SLC45A4: variants seen among roughly 807,000 people sequenced by gnomAD.
SLC45A4 encodes the protein solute carrier family 45 member 4.
SLC45A4 carries 32 observed loss-of-function variants against 63.7 expected under a neutral mutation model. The observed-to-expected ratio is 0.50, with a 90% CI of 0.38 to 0.67. The LOEUF (loss-of-function observed/expected upper bound fraction) is 0.67, where lower values mean the gene tolerates loss of function less well. Ranked by LOEUF, SLC45A4 falls within the 30% of genes least tolerant of loss-of-function variation. The pLI, the probability that SLC45A4 is intolerant of heterozygous loss-of-function variation, is 0.00. For synonymous variants in SLC45A4, 535 were observed against 510.0 expected, an observed-to-expected ratio of 1.05 and a Z score of -0.66; for missense variants, 1,027 against 1,157.7, an observed-to-expected ratio of 0.89 and a Z score of 1.64.
Position 141,218,203 on chromosome 8 carries a change from G to A in SLC45A4, c.1437C>T (p.Ser479=), listed in dbSNP as rs1216915801. The change falls in exon 5 of 9, where the codon TCC becomes TCT. Residue 479 remains serine (S), a synonymous_variant. Transcript: ENST00000517878. ...CCTCCTCACTCTCGGTGTCCCCGCT[G>A]GAGGTGGTGGCCCCGCTCTGGTTCC... ...RHRNQSGATT[S]SGDTESEEGE... 2 of 1,603,218 alleles carry A rather than the reference G, an allele frequency of 1.2e-6. No individual in the cohort carries two copies. Among genetic ancestry groups the A allele is most frequent in the Admixed American group, 1.7e-5 (1 of 60,000 alleles).
chr8:141,278,633 C>T lies in SLC45A4; in HGVS notation c.-400-24004G>A, dbSNP rs1269930713. On this transcript the variant is annotated intron_variant, in intron 1 of 8. Coordinates refer to ENST00000517878, the MANE Select transcript of SLC45A4 (RefSeq NM_001286646.2). The surrounding 1 kb of genome is among the most constrained non-coding windows in gnomAD (Gnocchi z 4.1). ...TAGCCACCAGCAGCTGAGTGCTGAC[C>T]ACAGCCCCCACGGGCAGCACAGGCA... 6.6e-6 allele frequency among the ~76,000 whole-genome samples: 1 copy of T among 152,252 alleles called. No homozygotes were observed. The highest frequency in any genetic ancestry group is 6.5e-5 in the Admixed American group (1 of 15,292).
At chr8:141,212,631 T>C in intron 7 of SLC45A4, 75 bp from the exon 8 acceptor site, 2 of 1,469,172 alleles carry the variant, frequency 1.4e-6, no homozygotes, top group Non-Finnish European at 9.0e-7. Flanking sequence ...ACTGTGAGTA[T>C]TAACCCACAA....
chr8:141,223,912 C>CT (rs1434841202), intron 2 of SLC45A4, among the ~76,000 whole-genome samples: 1 of 152,196 alleles, frequency 6.6e-6, no homozygotes, highest in African/African-American at 2.4e-5. Context: ...AACCAAACCA[C>CT]TTTACCATTT....
intron 1 of SLC45A4, among the ~76,000 whole-genome samples, chr8:141,280,600 TC>T: frequency 6.6e-6 from 1 of 152,238 alleles, no homozygotes; most frequent in East Asian, 1.9e-4. Flanking sequence ...CTATCAGCAA[TC>T]CCAGGTTGAG....
In SLC45A4 at chr8:141,278,360, C is replaced by T. The variant is rs1829807674; in HGVS notation, c.-400-23731G>A. On this transcript the variant is annotated intron_variant, in intron 1 of 8. Coordinates refer to ENST00000517878, the MANE Select transcript of SLC45A4 (RefSeq NM_001286646.2). The surrounding 1 kb of genome is among the most constrained non-coding windows in gnomAD (Gnocchi z 4.1). ...GGACATTGGCGAGACTGGGTGAGCA[C>T]AACCCATAAGGACACTAGCGGGACA... 1 of 152,454 alleles carries T rather than the reference C, an allele frequency of 6.6e-6. No individual in the cohort carries two copies. The highest frequency in any genetic ancestry group is 2.4e-5 in the African/African-American group (1 of 41,454). The allele number at this position is 152,454 out of a possible 1,614,324, so 9.4% of individuals were successfully genotyped here.
rs374347918 is a variant in SLC45A4 at position 141,212,500 on chromosome 8, G to A, written c.1998C>T (p.Ile666=). ...GCGAGATGTACACTTGGCAGGACAG[G>A]ATGGCACAATCTATGCCAAACCCTC... ...SKRGFGIDCA[I]LSCQVYISQI... is the part of the protein sequence containing the mutation. Residue 666 remains isoleucine (I), a synonymous_variant, in exon 8 of 9, where the codon ATC becomes ATT. Transcript: ENST00000517878. 6 of 1,613,852 alleles carry A rather than the reference G, an allele frequency of 3.7e-6. No homozygotes were observed. The South Asian group carries it at 6.6e-5, about 18-fold the overall frequency.
chr8:141,304,825 G>A (rs1239152614), intron 1 of SLC45A4, among the ~76,000 whole-genome samples: 1 of 152,178 alleles, frequency 6.6e-6, no homozygotes, highest in East Asian at 1.9e-4. Flanking sequence ...CTCTATCAGG[G>A]ATATGAAACA....
chr8:141,213,722 G>A (rs1277851938), intron 7 of SLC45A4, among the ~76,000 whole-genome samples: 1 of 152,192 alleles, frequency 6.6e-6, no homozygotes, highest in Non-Finnish European at 1.5e-5. Context: ...CACGTGGCAG[G>A]GAGGACTAAG....
In SLC45A4 at chr8:141,293,645, G is replaced by T. The variant is rs114690438; in HGVS notation, c.-401+14451C>A. ...AAAACTTCTCTGCAATCAAAAAATGGAAACAGACCGGGAGCAGTGGCTCAT... is the reference window on the plus strand; with the variant it reads ...AAAACTTCTCTGCAATCAAAAAATGTAAACAGACCGGGAGCAGTGGCTCAT... On this transcript the variant is annotated intron_variant, in intron 1 of 8. Transcript: ENST00000517878. Among the ~76,000 whole-genome samples, 696 of 152,132 alleles carry T rather than the reference G, an allele frequency of 4.6e-3. 6 individuals are homozygous for T. Among genetic ancestry groups the T allele is most frequent in the African/African-American group, 0.016 (674 of 41,484 alleles).
At chr8:141,282,119 G>A (rs1434113380) in intron 1 of SLC45A4, among the ~76,000 whole-genome samples, 14 of 152,192 alleles carry the variant, frequency 9.2e-5, no homozygotes, top group South Asian at 2.1e-4. Context: ...TAGGACGATC[G>A]TCAGAAATAC....
rs150421753 is a variant in SLC45A4 at position 141,227,654 on chromosome 8, C to T, written c.242-5889G>A. On this transcript the variant is annotated intron_variant, in intron 2 of 8. Transcript: ENST00000517878. This position sits in a 1 kb window ranked among gnomAD's most constrained non-coding sequence, Gnocchi z 4.4. Reference sequence around the variant, plus strand: ...CCACCTGCTTGCAAGAGGGGAAGGGCCACTGGCACTGGGCCCCCGGCACTG... The same window carrying T: ...CCACCTGCTTGCAAGAGGGGAAGGGTCACTGGCACTGGGCCCCCGGCACTG... Among the ~76,000 whole-genome samples the T allele has an allele frequency of 1.4e-4, 21 of 152,124 alleles. No individual in the cohort carries two copies. The highest frequency in any genetic ancestry group is 1.4e-4 in the African/African-American group (6 of 41,428).
intron 4 of SLC45A4, among the ~76,000 whole-genome samples, 184 bp downstream of exon 4, chr8:141,219,466 A>G (rs1173180564): frequency 6.6e-6 from 1 of 150,426 alleles, no homozygotes; most frequent in Non-Finnish European, 1.5e-5. Flanking sequence ...CCTTGGCCCC[A>G]CTGTGCTTGG....
chr8:141,250,286 C>T (rs1305206414), intron 2 of SLC45A4, among the ~76,000 whole-genome samples: 1 of 152,186 alleles, frequency 6.6e-6, no homozygotes, highest in African/African-American at 2.4e-5. Flanking sequence ...CTCATACACA[C>T]TGGTTTTCAC....
chr8:141,209,825 G>A lies in SLC45A4; in HGVS notation c.*1747C>T, dbSNP rs935684320. On this transcript the variant is annotated 3_prime_UTR_variant, in exon 9 of 9. Transcript: ENST00000517878. ...ATCTCAAGGGTTAACACACTATTCA[G>A]AGGGGGGTTGCGAAGCCCCTCTTCC... is the stretch of plus-strand genomic sequence containing the variant. 6 of 152,250 alleles carry A rather than the reference G, an allele frequency of 3.9e-5. No individual in the cohort carries two copies. Among genetic ancestry groups the A allele is most frequent in the Admixed American group, 2.6e-4 (4 of 15,286 alleles). The allele number at this position is 152,250 out of a possible 1,614,324, so 9.4% of individuals were successfully genotyped here. A position where few individuals can be genotyped will look rare whatever the true frequency, so the allele number is the denominator to read the frequency against.
intron 2 of SLC45A4, among the ~76,000 whole-genome samples, chr8:141,235,303 A>G (rs1027504588): frequency 2.0e-4 from 31 of 152,214 alleles, no homozygotes; most frequent in African/African-American, 7.0e-4. Flanking sequence ...CCCCATTTAT[A>G]AATCATGAGC....
intron 2 of SLC45A4, among the ~76,000 whole-genome samples, chr8:141,231,218 A>G (rs1827331226): frequency 6.6e-6 from 1 of 152,192 alleles, no homozygotes; most frequent in Non-Finnish European, 1.5e-5. Flanking sequence ...GGAGCGCCGG[A>G]GACAGGGCAG....
chr8:141,266,591 GCA>G (rs1354767421), intron 1 of SLC45A4, among the ~76,000 whole-genome samples: 13 of 152,222 alleles, frequency 8.5e-5, no homozygotes, highest in African/African-American at 3.1e-4. Context: ...CTGACTTCCA[GCA>G]TGAAACCAGT....
chr8:141,212,145 C>CCCCA, intron 8 of SLC45A4, 52 bp downstream of exon 8: 1 of 955,996 alleles, frequency 1.0e-6, no homozygotes, highest in South Asian at 5.0e-5. Flanking sequence ...GCCGCCCGCC[C>CCCCA]GCCCGCCCAC....
At chr8:141,238,574 C>T (rs915890996) in intron 2 of SLC45A4, among the ~76,000 whole-genome samples, 6 of 152,170 alleles carry the variant, frequency 3.9e-5, no homozygotes, top group Non-Finnish European at 5.9e-5. Context: ...AGCTTTTCAC[C>T]GAGTCTATCC....
Sources: gnomAD v4.1 joint callset for allele counts (sites outside exome capture counted in the v4.1 genomes callset) on GRCh38, gnomAD v4.1.1 for gene constraint, Gnocchi (gnomAD v3.1) non-coding constraint, MANE v1.5 for transcripts, NCBI Gene and HGNC (gene_info 2026-07-23, HGNC 2026-07-21) for gene names.